Variants in MAML1 observed in about 807,000 individuals in gnomAD.
The protein encoded by MAML1 is mastermind like transcriptional coactivator 1, also known as mastermind-like protein 1.
MAML1 carries 14 observed loss-of-function variants against 77.1 expected under a neutral mutation model. That is an observed-to-expected ratio of 0.18 (90% confidence interval 0.12 to 0.28). The LOEUF (loss-of-function observed/expected upper bound fraction) is 0.28, where lower values mean the gene tolerates loss of function less well. Among genes scored for constraint, MAML1 ranks in the 10% least tolerant of loss-of-function variants. The pLI is 1.00. For synonymous variants in MAML1, 516 were observed against 551.9 expected, an observed-to-expected ratio of 0.93 and a Z score of 0.91; for missense variants, 1,217 against 1,327.8, an observed-to-expected ratio of 0.92 and a Z score of 1.30.
In MAML1 at chr5:179,761,025, T is replaced by C. The variant is rs1202537419; in HGVS notation, c.316-4301T>C. On this transcript the variant is annotated intron_variant, in intron 1 of 4. Coordinates refer to ENST00000292599, the MANE Select transcript of MAML1 (RefSeq NM_014757.5). ...AGGAGAATGGCATGAACCCGGGAGG[T>C]GGAGCTTGCAGTGAGCCGAGATCGC... 2.7e-5 allele frequency among the ~76,000 whole-genome samples: 4 copies of C among 150,280 alleles called. No homozygotes were observed. In the East Asian group the frequency reaches 5.9e-4, roughly 22 times the overall value.
In MAML1 at chr5:179,765,653, G is replaced by C. The variant is rs761942273; in HGVS notation, c.643G>C (p.Glu215Gln). The C allele has an allele frequency of 1.9e-6, 3 of 1,614,092 alleles. No individual in the cohort carries two copies. In the East Asian group the frequency reaches 6.7e-5, roughly 36 times the overall value. Residue 215 changes from glutamate (E) to glutamine (Q), a missense_variant, in exon 2 of 5, where the codon GAA becomes CAA. Glu to Gln is a conservative substitution (Grantham distance 29, BLOSUM62 2). Around this residue, in one of 3 missense-constraint regions of MAML1, gnomAD observed 312 missense variants for 331.4 expected, o/e 0.94. Coordinates refer to ENST00000292599, the MANE Select transcript of MAML1 (RefSeq NM_014757.5). Reference sequence around the variant, plus strand: ...GTCATTTCCTCTGAGCCTGAATAAAGAACTGAAGCAGGAGCCTGTCGAAGA... The same window carrying C: ...GTCATTTCCTCTGAGCCTGAATAAACAACTGAAGCAGGAGCCTGTCGAAGA... ...SESFPLSLNK[E>Q]LKQEPVEDLP...
chr5:179,762,368 G>T (rs892682377), intron 1 of MAML1, among the ~76,000 whole-genome samples: 1 of 152,080 alleles, frequency 6.6e-6, no homozygotes, highest in Non-Finnish European at 1.5e-5. Flanking sequence ...AGGATGGCAG[G>T]TGGCGCCTGG....
chr5:179,766,636 T>C lies in MAML1; in HGVS notation c.1626T>C (p.Tyr542=). ...SGQSKPALMA[Y]LPQQLSHISH... is the part of the protein sequence containing the mutation. The stretch of plus-strand genomic sequence containing the variant: ...AGAGCAAGCCAGCCCTGATGGCTTA[T>C]CTTCCCCAGCAGCTGTCCCATATAA... Residue 542 remains tyrosine, a synonymous_variant, in exon 2 of 5, where the codon TAT becomes TAC. Transcript: ENST00000292599. This position sits in a 1 kb window ranked among gnomAD's most constrained non-coding sequence, Gnocchi z 4.0. The C allele has an allele frequency of 6.2e-7, 1 of 1,612,742 alleles. No individual in the cohort carries two copies. Among genetic ancestry groups the C allele is most frequent in the South Asian group, 1.1e-5 (1 of 91,004 alleles).
chr5:179,770,164 C>G (rs1186456322), intron 3 of MAML1, among the ~76,000 whole-genome samples: 1 of 152,060 alleles, frequency 6.6e-6, no homozygotes, highest in Non-Finnish European at 1.5e-5. Context: ...ATTGTCTGCT[C>G]TGGGCTGGGC....
intron 1 of MAML1, among the ~76,000 whole-genome samples, chr5:179,752,347 A>ATATAT: frequency 8.6e-6 from 1 of 116,206 alleles, no homozygotes; most frequent in Admixed American, 1.1e-4. Flanking sequence ...AAAAAAAAAA[A>ATATAT]AAAATATATA....
chr5:179,756,703 G>T (rs1273735822), intron 1 of MAML1, among the ~76,000 whole-genome samples: 1 of 152,138 alleles, frequency 6.6e-6, no homozygotes. Flanking sequence ...TGTTAGATCC[G>T]AGAGAGAATA....
At position 179,775,683 on chromosome 5, in the gene MAML1, C is replaced by G; in HGVS notation, c.*806C>G. ...TATGGAAGGTAGAGATGTGGGGGTC[C>G]TGTATCCTGGAGTATTATGTCTCCC... On this transcript the variant is annotated 3_prime_UTR_variant, in exon 5 of 5. Coordinates refer to ENST00000292599, the MANE Select transcript of MAML1 (RefSeq NM_014757.5). 1 of 985,424 alleles carries G rather than the reference C, an allele frequency of 1.0e-6. No homozygotes were observed. The highest frequency in any genetic ancestry group is 1.2e-6 in the Non-Finnish European group (1 of 829,950). 61.0% of individuals were successfully genotyped at this position (985,424 alleles called of 1,614,324 possible). A position where few individuals can be genotyped will look rare whatever the true frequency, so the allele number is the denominator to read the frequency against.
At chr5:179,738,740 C>T (rs1779221789) in intron 1 of MAML1, among the ~76,000 whole-genome samples, 1 of 152,136 alleles carries the variant, frequency 6.6e-6, no homozygotes, top group Non-Finnish European at 1.5e-5. Flanking sequence ...GAAGTTGCCT[C>T]CGTAAAGGAC....
chr5:179,767,991 C>T (rs1378119538), intron 2 of MAML1, among the ~76,000 whole-genome samples: 2 of 152,244 alleles, frequency 1.3e-5, no homozygotes, highest in Non-Finnish European at 2.9e-5. Context: ...TTAAAGTTCT[C>T]ATTGATTCTC....
In MAML1 at chr5:179,751,086, GTC is replaced by G. The variant is rs753025408; in HGVS notation, c.316-14237_316-14236del. ...CCTCCTGGGTTCAAGCGATTCTCCT[GTC>G]TCAGCCTCCCGAGTAGCTGGGACTA... On this transcript the variant is annotated intron_variant, in intron 1 of 4. Coordinates refer to ENST00000292599, the MANE Select transcript of MAML1 (RefSeq NM_014757.5). Among the ~76,000 whole-genome samples the G allele has an allele frequency of 4.6e-5, 7 of 152,170 alleles. No individual in the cohort carries two copies. In the East Asian group the frequency reaches 1.2e-3, roughly 25 times the overall value.
intron 1 of MAML1, among the ~76,000 whole-genome samples, chr5:179,760,901 C>A (rs1358583531): frequency 6.6e-6 from 1 of 151,774 alleles, no homozygotes; most frequent in Non-Finnish European, 1.5e-5. Context: ...ACCATCCTGG[C>A]TAACACAGTG....
Position 179,766,429 on chromosome 5 carries a change from T to G in MAML1, c.1419T>G (p.Ser473Arg). ...TCATGATGCCTAGTGTGAATAAGAG[T>G]TCCCCTCGGCCCGGAGGCCCCTACC... ...KLLMMPSVNK[S>R]SPRPGGPYLQ... Residue 473 changes from serine (S) to arginine (R), a missense_variant, in exon 2 of 5, where the codon AGT becomes AGG. By Grantham distance (110) the Ser-to-Arg change is moderately radical (BLOSUM62 -1). Coordinates refer to ENST00000292599, the MANE Select transcript of MAML1 (RefSeq NM_014757.5). This position sits in a 1 kb window ranked among gnomAD's most constrained non-coding sequence, Gnocchi z 4.0. 6.2e-7 allele frequency: 1 copy of G among 1,612,726 alleles called. No individual in the cohort carries two copies. The highest frequency in any genetic ancestry group is 8.5e-7 in the Non-Finnish European group (1 of 1,179,368).
chr5:179,776,525 G>C lies in MAML1; in HGVS notation c.*1648G>C. ...AAAACACCTTCCCTACCTTTCCCAT[G>C]TACTCAGTTTAGCTCTCAAAGAAGG... On this transcript the variant is annotated 3_prime_UTR_variant, in exon 5 of 5. Transcript: ENST00000292599. 1 of 985,678 alleles carries C rather than the reference G, an allele frequency of 1.0e-6. No homozygotes were observed. The allele number at this position is 985,678 out of a possible 1,614,324, so 61.1% of individuals were successfully genotyped here.
chr5:179,733,356 GC>G lies in MAML1; in HGVS notation c.248del (p.Pro83ArgfsTer101). ...GCACAGGCAGCCGCCCGCCGCCACG[GC>G]CCCGGCGCCCGCCGCCCCGGCCCCG... ...GKHRQPPAAT[A>X]PAPAAPAPRL... On this transcript the variant is annotated frameshift_variant, in exon 1 of 5. Transcript: ENST00000292599. LOFTEE classifies it high-confidence loss of function. 4 of 1,243,870 alleles carry G rather than the reference GC, an allele frequency of 3.2e-6. No individual in the cohort carries two copies. Among genetic ancestry groups the G allele is most frequent in the South Asian group, 5.4e-5 (2 of 36,700 alleles). The allele number at this position is 1,243,870 out of a possible 1,614,324, so 77.1% of individuals were successfully genotyped here.
Position 179,766,745 on chromosome 5 carries a change from A to G in MAML1, c.1731+4A>G. On this transcript the variant is annotated splice_donor_region_variant and intron_variant, in intron 2 of 4. Transcript: ENST00000292599. This position sits in a 1 kb window ranked among gnomAD's most constrained non-coding sequence, Gnocchi z 4.0. ...ATCACTGGTTCCACCTGGCCAGGTA[A>G]GTATGAGCCTTTGCTTTCTGTTCCT... The G allele has an allele frequency of 6.6e-7, 1 of 1,524,592 alleles. No individual in the cohort carries two copies. The highest frequency in any genetic ancestry group is 8.8e-7 in the Non-Finnish European group (1 of 1,134,976). The allele number at this position is 1,524,592 out of a possible 1,614,324, so 94.4% of individuals were successfully genotyped here.
At position 179,765,390 on chromosome 5, in the gene MAML1, A is replaced by C. The variant is rs1195690059; in HGVS notation, c.380A>C (p.Gln127Pro). The change falls in exon 2 of 5, where the codon CAG becomes CCG. Residue 127 changes from glutamine to proline, a missense_variant. Gln to Pro is a moderately conservative substitution (Grantham distance 76). Coordinates refer to ENST00000292599, the MANE Select transcript of MAML1 (RefSeq NM_014757.5). ...SATSPQNGDQ[Q>P]NGYGDLFPGH... ...ACTTCCCCTCAGAATGGCGATCAAC[A>C]GAATGGCTACGGGGACCTCTTTCCT... The C allele has an allele frequency of 1.2e-6, 2 of 1,613,570 alleles. No individual in the cohort carries two copies. The highest frequency in any genetic ancestry group is 1.7e-6 in the Non-Finnish European group (2 of 1,179,874).
In MAML1 at chr5:179,776,778, G is replaced by A. The variant is rs973768555; in HGVS notation, c.*1901G>A. 4.1e-6 allele frequency: 4 copies of A among 985,938 alleles called. No homozygotes were observed. The highest frequency in any genetic ancestry group is 9.4e-5 in the South Asian group (2 of 21,286). 61.1% of individuals were successfully genotyped at this position (985,938 alleles called of 1,614,324 possible). A position where few individuals can be genotyped will look rare whatever the true frequency, so the allele number is the denominator to read the frequency against. On this transcript the variant is annotated 3_prime_UTR_variant, in exon 5 of 5. Coordinates refer to ENST00000292599, the MANE Select transcript of MAML1 (RefSeq NM_014757.5). Reference sequence around the variant, plus strand: ...GTCCTGGGGCCGGCGACACAGTGGGGGCTCCTCACTTGCTGCAGTGTCATA... The same window carrying A: ...GTCCTGGGGCCGGCGACACAGTGGGAGCTCCTCACTTGCTGCAGTGTCATA...
chr5:179,775,316 G>T lies in MAML1; in HGVS notation c.*439G>T. ...ATAGCAGAATTATTTGCAATTTGTA[G>T]CATAGAAAAGATTTTTAAATTTTTT... is the stretch of plus-strand genomic sequence containing the variant. On this transcript the variant is annotated 3_prime_UTR_variant, in exon 5 of 5. Coordinates refer to ENST00000292599, the MANE Select transcript of MAML1 (RefSeq NM_014757.5). 7.1e-6 allele frequency: 7 copies of T among 987,500 alleles called. No individual in the cohort carries two copies. Among genetic ancestry groups the T allele is most frequent in the Non-Finnish European group, 8.4e-6 (7 of 831,906 alleles). 61.2% of individuals were successfully genotyped at this position (987,500 alleles called of 1,614,324 possible).
Position 179,775,567 on chromosome 5 carries a change from C to G in MAML1, c.*690C>G, listed in dbSNP as rs1040846937. 27 of 985,218 alleles carry G rather than the reference C, an allele frequency of 2.7e-5. No individual in the cohort carries two copies. Among genetic ancestry groups the G allele is most frequent in the Non-Finnish European group, 3.1e-5 (26 of 829,872 alleles). 61.0% of individuals were successfully genotyped at this position (985,218 alleles called of 1,614,324 possible). A position where few individuals can be genotyped will look rare whatever the true frequency, so the allele number is the denominator to read the frequency against. ...TGGGATAGCAGGTCTGGTGACACAG[C>G]TAGGGTCTTCCTAGCAGCTCCTCCT... On this transcript the variant is annotated 3_prime_UTR_variant, in exon 5 of 5. Transcript: ENST00000292599.
Sources: allele counts gnomAD v4.1 joint callset (sites outside exome capture counted in the v4.1 genomes callset), GRCh38; gene constraint gnomAD v4.1.1; regional missense constraint gnomAD v4.1.1; non-coding constraint Gnocchi (gnomAD v3.1); transcripts MANE v1.5; gene names NCBI Gene and HGNC (gene_info 2026-07-23, HGNC 2026-07-21).